The following GDA variants were observed in gnomAD, a reference collection of about 807,000 sequenced individuals.
GDA encodes the protein cytoplasmic PSD-95 interactor.
In GDA, 18 loss-of-function variants were observed where a neutral mutation model predicts 59.6. That is an observed-to-expected ratio of 0.30 (90% CI 0.21 to 0.45). The LOEUF is 0.45. GDA is among the 20% of genes least tolerant of loss of function. The pLI, the probability that GDA is intolerant of heterozygous loss-of-function variation, is 1.00. For synonymous variants in GDA, 201 were observed against 201.1 expected, an observed-to-expected ratio of 1.00 and a Z score of 0.00; for missense variants, 427 against 552.3, an observed-to-expected ratio of 0.77 and a Z score of 2.27.
intron 3 of GDA, among the ~76,000 whole-genome samples, chr9:72,207,565 C>T (rs1834870696): frequency 6.6e-6 from 1 of 152,154 alleles, no homozygotes. Context: ...ATCCTAGAAC[C>T]CATACACTTT....
In GDA at chr9:72,202,732, C is replaced by T; in HGVS notation, c.374C>T (p.Thr125Ile). 1 of 1,610,626 alleles carries T rather than the reference C, an allele frequency of 6.2e-7. No individual in the cohort carries two copies. The highest frequency in any genetic ancestry group is 8.5e-7 in the Non-Finnish European group (1 of 1,177,966). Residue 125 changes from threonine to isoleucine, a missense_variant, in exon 3 of 14, where the codon ACC becomes ATC. Physicochemically the swap from Thr to Ile is moderately conservative, Grantham distance 89. Transcript: ENST00000358399. ...ATCGACTTTGCAGAAGAAGTATATA[C>T]CAGAGTTGTCGTAAGTATCTTGTGT... ...QNIDFAEEVY[T>I]RVVRRTLKNG...
In GDA at chr9:72,192,223, C is replaced by CTTTTTTTTTTTTTTTTTTTTTTTTTT. The variant is rs869237933; in HGVS notation, c.124-3274_124-3249dup. On this transcript the variant is annotated intron_variant, in intron 1 of 13. Coordinates refer to ENST00000358399, the MANE Select transcript of GDA (RefSeq NM_004293.5). ...CTCTGACTGTGTATTTTCAAATAGCCTTTTTTTTTTTTTTTTTTTTTTTTT... is the reference window on the plus strand; with the variant it reads ...CTCTGACTGTGTATTTTCAAATAGCCTTTTTTTTTTTTTTTTTTTTTTTTTTTTTTTTTTTTTTTTTTTTTTTTTTT... Among the ~76,000 whole-genome samples the CTTTTTTTTTTTTTTTTTTTTTTTTTT allele has an allele frequency of 4.3e-5, 2 of 46,234 alleles. 1 individual carries two copies. Among genetic ancestry groups the CTTTTTTTTTTTTTTTTTTTTTTTTTT allele is most frequent in the Non-Finnish European group, 7.6e-5 (2 of 26,328 alleles). The allele number at this position is 46,234 out of a possible 152,430, so 30.3% of individuals were successfully genotyped here.
At chr9:72,135,818 C>G (rs1381017530) in intron 1 of GDA, among the ~76,000 whole-genome samples, 2 of 151,910 alleles carry the variant, frequency 1.3e-5, no homozygotes, top group Non-Finnish European at 2.9e-5. Flanking sequence ...ACCATGTTGG[C>G]CGGGCTGCTC....
intron 1 of GDA, among the ~76,000 whole-genome samples, chr9:72,153,661 T>G (rs1270949950): frequency 3.3e-5 from 5 of 151,318 alleles, no homozygotes; most frequent in Non-Finnish European, 5.9e-5. Context: ...TAAAAAATGA[T>G]GAGTTCATGT....
chr9:72,226,910 G>T (rs1837667040), intron 8 of GDA, among the ~76,000 whole-genome samples: 1 of 152,148 alleles, frequency 6.6e-6, no homozygotes. Context: ...GAGGTCAGGA[G>T]ATCGAGACCA....
chr9:72,123,186 T>C (rs1344733872), intron 1 of GDA, among the ~76,000 whole-genome samples: 1 of 11,556 alleles, frequency 8.7e-5, no homozygotes, highest in African/African-American at 1.6e-4. Flanking sequence ...TTTTCTTCCC[T>C]TTTTTTTTTT....
chr9:72,149,783 G>C, intron 1 of GDA, 101 bp downstream of exon 1: 2 of 1,226,898 alleles, frequency 1.6e-6, no homozygotes, highest in Non-Finnish European at 2.2e-6. Context: ...TCGGTGCGCA[G>C]TGAGCGCCGC....
chr9:72,140,144 C>A (rs549272592), intron 1 of GDA, among the ~76,000 whole-genome samples: 1 of 152,196 alleles, frequency 6.6e-6, no homozygotes, highest in African/African-American at 2.4e-5. Context: ...CACCTTGCCC[C>A]GGCTATAATG....
At chr9:72,192,775 G>A (rs1832712179) in intron 1 of GDA, among the ~76,000 whole-genome samples, 1 of 151,608 alleles carries the variant, frequency 6.6e-6, no homozygotes, top group African/African-American at 2.4e-5. Flanking sequence ...AGCTACTCAG[G>A]AGGCTGAGGC....
intron 10 of GDA, among the ~76,000 whole-genome samples, chr9:72,235,564 G>A (rs1444903019): frequency 6.6e-6 from 1 of 152,116 alleles, no homozygotes; most frequent in Non-Finnish European, 1.5e-5. Flanking sequence ...GGGTGTGGTA[G>A]CATGTGCCTG....
At chr9:72,134,514 G>T (rs940118814) in intron 1 of GDA, among the ~76,000 whole-genome samples, 42 of 151,816 alleles carry the variant, frequency 2.8e-4, no homozygotes, top group Admixed American at 2.2e-3. Context: ...AGATTCTCCT[G>T]CCCCAGCCAC....
At chr9:72,217,098 A>G (rs959791925) in intron 5 of GDA, among the ~76,000 whole-genome samples, 3 of 152,236 alleles carry the variant, frequency 2.0e-5, no homozygotes, top group Non-Finnish European at 2.9e-5. Context: ...GGATTTGTGC[A>G]CTTAAATCAG....
chr9:72,116,314 G>A (rs1825439753), intron 1 of GDA, among the ~76,000 whole-genome samples: 1 of 151,256 alleles, frequency 6.6e-6, no homozygotes, highest in Non-Finnish European at 1.5e-5. Flanking sequence ...AGATTACAAA[G>A]CACCTTACAA....
intron 3 of GDA, among the ~76,000 whole-genome samples, chr9:72,209,518 A>T (rs1010771093): frequency 1.3e-5 from 2 of 151,880 alleles, no homozygotes; most frequent in Admixed American, 1.3e-4. Flanking sequence ...TTCTTTGAGG[A>T]TGTGAGTCAT....
chr9:72,141,293 A>T (rs1826431904), intron 1 of GDA, among the ~76,000 whole-genome samples: 1 of 152,158 alleles, frequency 6.6e-6, no homozygotes, highest in African/African-American at 2.4e-5. Flanking sequence ...TTTGCATTTT[A>T]TATGGAAGAG....
intron 10 of GDA, among the ~76,000 whole-genome samples, chr9:72,234,963 C>A (rs1242698273): frequency 6.6e-6 from 1 of 152,092 alleles, no homozygotes; most frequent in Non-Finnish European, 1.5e-5. Context: ...CTCAGCTATA[C>A]AAAAACTTGG....
At chr9:72,229,333 A>G (rs1838044755) in intron 9 of GDA, among the ~76,000 whole-genome samples, 1 of 152,146 alleles carries the variant, frequency 6.6e-6, no homozygotes, top group South Asian at 2.1e-4. Context: ...CCTGGGCGAC[A>G]GAGCAAGACT....
intron 1 of GDA, among the ~76,000 whole-genome samples, chr9:72,123,207 C>T (rs1481187520): frequency 3.0e-5 from 4 of 134,372 alleles, no homozygotes; most frequent in East Asian, 2.0e-4. Context: ...TTTTTGAGAC[C>T]GAGTCTTGCT....
At chr9:72,137,242 CTTTTTTT>C (rs143364725) in intron 1 of GDA, among the ~76,000 whole-genome samples, 1 of 84,506 alleles carries the variant, frequency 1.2e-5, no homozygotes, top group Non-Finnish European at 2.1e-5. Context: ...TTCTTTTTTT[CTTTTTTT>C]TTTTTTTTTT....
Sources: gnomAD v4.1 joint callset for allele counts (sites outside exome capture counted in the v4.1 genomes callset) on GRCh38, gnomAD v4.1.1 for gene constraint, MANE v1.5 for transcripts, NCBI Gene and HGNC (gene_info 2026-07-23, HGNC 2026-07-21) for gene names.